C6orf52: variants seen among roughly 807,000 people sequenced by gnomAD.
The protein encoded by C6orf52 is chromosome 6 open reading frame 52, also known as putative uncharacterized protein C6orf52.
C6orf52 carries 16 observed loss-of-function variants against 16.6 expected under a neutral mutation model. The ratio of observed to expected loss-of-function variants is 0.96; its 90% CI spans 0.65 to 1.46. The LOEUF is 1.46. C6orf52 is among the 40% of genes most tolerant of loss of function. C6orf52 has a pLI of 0.00. For missense variants in C6orf52, 166 were observed against 182.3 expected (o/e 0.91, Z 0.52); for synonymous variants, 53 against 61.4 (o/e 0.86, Z 0.64).
At chr6:10,673,393 A>G (rs953987059) in intron 4 of C6orf52, among the ~76,000 whole-genome samples, 3 of 152,150 alleles carry the variant, frequency 2.0e-5, no homozygotes, top group African/African-American at 7.2e-5. Context: ...TCATCCCTAA[A>G]CCTGTGAATC....
chr6:10,684,947 T>G, intron 3 of C6orf52: 15 of 1,221,658 alleles, frequency 1.2e-5, no homozygotes, highest in Non-Finnish European at 1.6e-5. Context: ...AGATAACATA[T>G]TTATATAATT....
At chr6:10,673,167 T>C (rs2127458788) in intron 4 of C6orf52, among the ~76,000 whole-genome samples, 1 of 152,358 alleles carries the variant, frequency 6.6e-6, no homozygotes, top group South Asian at 2.1e-4. Flanking sequence ...TTTACCGTTA[T>C]GGGCAGTTGT....
Position 10,672,777 on chromosome 6 carries a change from C to T in C6orf52, c.317-1179G>A, listed in dbSNP as rs1767544838. Reference sequence around the variant, plus strand: ...TGCAAGCCAAGAAGAGAGCCCTCGCCAGAAACCAAATTATCCAGACCCTGG... The same window carrying T: ...TGCAAGCCAAGAAGAGAGCCCTCGCTAGAAACCAAATTATCCAGACCCTGG... On this transcript the variant is annotated intron_variant, in intron 4 of 4. Coordinates refer to ENST00000259983, the MANE Select transcript of C6orf52 (RefSeq NM_001145020.3). 6 of 530,952 alleles carry T rather than the reference C, an allele frequency of 1.1e-5. No individual in the cohort carries two copies. In the African/African-American group the frequency reaches 1.2e-4, roughly 10 times the overall value. The allele number at this position is 530,952 out of a possible 1,614,324, so 32.9% of individuals were successfully genotyped here.
intron 4 of C6orf52, among the ~76,000 whole-genome samples, chr6:10,675,489 C>T (rs998631716): frequency 2.0e-5 from 3 of 152,272 alleles, no homozygotes; most frequent in South Asian, 2.1e-4. Context: ...GCAATAGACA[C>T]GGAGGTACAG....
intron 4 of C6orf52, among the ~76,000 whole-genome samples, chr6:10,679,110 A>G (rs1768140911): frequency 6.6e-6 from 1 of 151,748 alleles, no homozygotes; most frequent in African/African-American, 2.4e-5. Context: ...ATAAAATAAA[A>G]GAACAAATTT....
intron 4 of C6orf52, among the ~76,000 whole-genome samples, chr6:10,681,994 G>C (rs1423350407): frequency 6.6e-6 from 1 of 152,202 alleles, no homozygotes; most frequent in Non-Finnish European, 1.5e-5. Context: ...GGAAGAATGA[G>C]GAGGAGTCAC....
At position 10,687,095 on chromosome 6, in the gene C6orf52, A is replaced by G. The variant is rs562369512; in HGVS notation, c.141T>C (p.Tyr47=). 5.8e-6 allele frequency: 9 copies of G among 1,552,030 alleles called. No homozygotes were observed. The highest frequency in any genetic ancestry group is 1.4e-5 in the African/African-American group (1 of 73,172). Residue 47 remains tyrosine (Y), a synonymous_variant, in exon 3 of 5, where the codon TAT becomes TAC. Coordinates refer to ENST00000259983, the MANE Select transcript of C6orf52 (RefSeq NM_001145020.3). ...PSQSYRYGNW[Y]ARQHGSYLLS... ...GAAGGTAAGAGCCGTGCTGTCGCGCATACCAGTTGCCATAGCGGTAACTCT... is the reference window on the plus strand; with the variant it reads ...GAAGGTAAGAGCCGTGCTGTCGCGCGTACCAGTTGCCATAGCGGTAACTCT...
In C6orf52 at chr6:10,694,598, A is replaced by AGTGT; in HGVS notation, c.-117_-116insACAC. 13 of 172,148 alleles carry AGTGT rather than the reference A, an allele frequency of 7.6e-5. No homozygotes were observed. The highest frequency in any genetic ancestry group is 3.5e-4 in the South Asian group (3 of 8,510). 10.7% of individuals were successfully genotyped at this position (172,148 alleles called of 1,614,324 possible). A position where few individuals can be genotyped will look rare whatever the true frequency, so the allele number is the denominator to read the frequency against. ...GCACGCTGCCGGCGCTACAGCCCCT[A>AGTGT]AGCAACCGGCCGGAAGTCGGCCCCA... On this transcript the variant is annotated 5_prime_UTR_variant, in exon 1 of 5. Coordinates refer to ENST00000259983, the MANE Select transcript of C6orf52 (RefSeq NM_001145020.3).
intron 1 of C6orf52, among the ~76,000 whole-genome samples, chr6:10,688,630 A>C (rs1330495846): frequency 1.3e-5 from 2 of 152,162 alleles, no homozygotes; most frequent in Non-Finnish European, 2.9e-5. Flanking sequence ...CCCAAGTATA[A>C]AATGGTGTAG....
chr6:10,679,063 A>G (rs970177376), intron 4 of C6orf52, among the ~76,000 whole-genome samples: 1 of 152,166 alleles, frequency 6.6e-6, no homozygotes, highest in Middle Eastern at 3.2e-3. Context: ...ACTGCACTCC[A>G]GCCTGGCAAC....
intron 1 of C6orf52, among the ~76,000 whole-genome samples, chr6:10,691,398 C>T (rs1388355584): frequency 2.6e-5 from 4 of 151,874 alleles, no homozygotes; most frequent in Admixed American, 6.6e-5. Flanking sequence ...ACTGAGCAAG[C>T]GGGGGTACAT....
intron 1 of C6orf52, among the ~76,000 whole-genome samples, chr6:10,688,596 C>G (rs1769042217): frequency 6.6e-6 from 1 of 152,124 alleles, no homozygotes; most frequent in South Asian, 2.1e-4. Flanking sequence ...CAGGATCCCC[C>G]TCAGATACCA....
intron 4 of C6orf52, among the ~76,000 whole-genome samples, chr6:10,679,348 A>C (rs1167203560): frequency 1.3e-5 from 2 of 151,468 alleles, no homozygotes; most frequent in African/African-American, 4.9e-5. Context: ...GCTAAGGCAG[A>C]AGAATCGCTT....
intron 4 of C6orf52, chr6:10,672,517 C>T (rs143483827): frequency 4.2e-4 from 288 of 681,132 alleles, no homozygotes; most frequent in African/African-American, 3.4e-3. Flanking sequence ...TTATAAAAAG[C>T]GACAGCAGGC....
chr6:10,694,590 C>CTCTGTGT lies in C6orf52; in HGVS notation c.-109_-108insACACAGA. Reference sequence around the variant, plus strand: ...ACAACAATGCACGCTGCCGGCGCTACAGCCCCTAAGCAACCGGCCGGAAGT... The same window carrying CTCTGTGT: ...ACAACAATGCACGCTGCCGGCGCTACTCTGTGTAGCCCCTAAGCAACCGGCCGGAAGT... On this transcript the variant is annotated 5_prime_UTR_variant, in exon 1 of 5. Coordinates refer to ENST00000259983, the MANE Select transcript of C6orf52 (RefSeq NM_001145020.3). 5.8e-6 allele frequency: 1 copy of CTCTGTGT among 172,406 alleles called. No individual in the cohort carries two copies. The highest frequency in any genetic ancestry group is 1.3e-5 in the Non-Finnish European group (1 of 78,886). 10.7% of individuals were successfully genotyped at this position (172,406 alleles called of 1,614,324 possible).
intron 4 of C6orf52, among the ~76,000 whole-genome samples, chr6:10,681,249 G>A (rs1768363286): frequency 6.6e-6 from 1 of 152,150 alleles, no homozygotes; most frequent in Admixed American, 6.5e-5. Flanking sequence ...ATTTACTGAT[G>A]TATAATTGTT....
intron 3 of C6orf52, among the ~76,000 whole-genome samples, chr6:10,684,494 A>G (rs2127467403): frequency 6.6e-6 from 1 of 152,332 alleles, no homozygotes; most frequent in East Asian, 1.9e-4. Context: ...CTGGAGACAG[A>G]GCATTCTCTC....
intron 4 of C6orf52, among the ~76,000 whole-genome samples, chr6:10,673,820 G>A (rs1464272593): frequency 6.6e-6 from 1 of 151,570 alleles, no homozygotes; most frequent in Admixed American, 6.6e-5. Context: ...CAAAATAAGG[G>A]TCCCCTCAAT....
intron 4 of C6orf52, among the ~76,000 whole-genome samples, chr6:10,676,714 G>A (rs568937425): frequency 6.6e-6 from 1 of 152,288 alleles, no homozygotes; most frequent in South Asian, 2.1e-4. Flanking sequence ...GCCTCCTCAA[G>A]CCTGCCTGTA....
Sources: allele counts gnomAD v4.1 joint callset (sites outside exome capture counted in the v4.1 genomes callset), GRCh38; gene constraint gnomAD v4.1.1; transcripts MANE v1.5; gene names NCBI Gene and HGNC (gene_info 2026-07-23, HGNC 2026-07-21).